Variants in SLC25A21 observed in about 807,000 individuals in gnomAD.
The protein encoded by SLC25A21 is mitochondrial 2-oxodicarboxylate carrier.
A neutral mutation model predicts 43.8 loss-of-function variants in SLC25A21; 47 were observed. The observed-to-expected ratio is 1.07, with a 90% CI of 0.85 to 1.37. The LOEUF (loss-of-function observed/expected upper bound fraction) is 1.37, where lower values mean the gene tolerates loss of function less well. SLC25A21 is among the 40% of genes most tolerant of loss of function. SLC25A21 has a pLI of 0.00. For missense variants in SLC25A21, 352 were observed against 350.2 expected (o/e 1.00, Z -0.04); for synonymous variants, 131 against 121.3 (o/e 1.08, Z -0.52).
At chr14:37,023,533 T>A (rs756229810) in intron 1 of SLC25A21, among the ~76,000 whole-genome samples, 2 of 152,086 alleles carry the variant, frequency 1.3e-5, no homozygotes, top group Admixed American at 6.6e-5. Flanking sequence ...AGCAAAAAAA[T>A]TTAAGACCAG....
intron 1 of SLC25A21, among the ~76,000 whole-genome samples, chr14:36,987,365 T>C (rs1362587637): frequency 1.3e-5 from 2 of 152,232 alleles, no homozygotes; most frequent in Non-Finnish European, 2.9e-5. Flanking sequence ...CATAAGTACA[T>C]TTTAATATGT....
chr14:36,941,184 C>T (rs917378414), intron 1 of SLC25A21, among the ~76,000 whole-genome samples: 3 of 151,972 alleles, frequency 2.0e-5, no homozygotes, highest in Admixed American at 6.6e-5. Flanking sequence ...TGCATGTGAT[C>T]AGGGACAGCA....
chr14:37,074,137 C>A lies in SLC25A21; in HGVS notation c.70+98144G>T, dbSNP rs148715644. 2.0e-3 allele frequency among the ~76,000 whole-genome samples: 299 copies of A among 151,692 alleles called. 1 individual carries two copies. Among genetic ancestry groups the A allele is most frequent in the African/African-American group, 6.8e-3 (281 of 41,308 alleles). Reference sequence around the variant, plus strand: ...AAGAGCTATTATTCCATACATACAACTTAATATAAATGAACAAGTATCTTC... The same window carrying A: ...AAGAGCTATTATTCCATACATACAAATTAATATAAATGAACAAGTATCTTC... On this transcript the variant is annotated intron_variant, in intron 1 of 9. Transcript: ENST00000331299.
intron 2 of SLC25A21, among the ~76,000 whole-genome samples, chr14:36,860,863 C>A (rs1364359386): frequency 6.6e-6 from 1 of 152,266 alleles, no homozygotes; most frequent in East Asian, 1.9e-4. Context: ...CAGATAGATT[C>A]TGATTACCAA....
At chr14:36,721,235 T>A (rs928172560) in intron 6 of SLC25A21, among the ~76,000 whole-genome samples, 3 of 152,242 alleles carry the variant, frequency 2.0e-5, no homozygotes, top group Non-Finnish European at 4.4e-5. Context: ...TACTGAACCA[T>A]CACTGCATGC....
intron 1 of SLC25A21, among the ~76,000 whole-genome samples, chr14:36,883,857 T>G (rs947533458): frequency 1.3e-5 from 2 of 152,180 alleles, no homozygotes; most frequent in Non-Finnish European, 2.9e-5. Flanking sequence ...AAATAATAAT[T>G]TTATATGTTT....
chr14:36,934,775 A>G (rs1164393649), intron 1 of SLC25A21, among the ~76,000 whole-genome samples: 2 of 152,098 alleles, frequency 1.3e-5, no homozygotes, highest in Admixed American at 1.3e-4. Context: ...AAAACTTTTT[A>G]TATGTTGGTG....
intron 2 of SLC25A21, among the ~76,000 whole-genome samples, chr14:36,862,676 T>A (rs1404935393): frequency 2.0e-5 from 3 of 152,058 alleles, no homozygotes; most frequent in Non-Finnish European, 4.4e-5. Flanking sequence ...AGTTGATGGG[T>A]GCAGCAAACC....
intron 1 of SLC25A21, among the ~76,000 whole-genome samples, chr14:37,109,890 T>A (rs1241522337): frequency 6.6e-6 from 1 of 152,216 alleles, no homozygotes; most frequent in Non-Finnish European, 1.5e-5. Context: ...TAATGAGTAA[T>A]ATTTTCCAGT....
At chr14:37,055,571 T>C (rs534787941) in intron 1 of SLC25A21, among the ~76,000 whole-genome samples, 1 of 152,110 alleles carries the variant, frequency 6.6e-6, no homozygotes. Flanking sequence ...TTCTTTCTGG[T>C]GGGCCTGAGC....
chr14:36,891,898 C>T (rs1417750072), intron 1 of SLC25A21, among the ~76,000 whole-genome samples: 5 of 152,078 alleles, frequency 3.3e-5, no homozygotes, highest in Non-Finnish European at 7.4e-5. Context: ...TGTCACATAG[C>T]GACCATGAAG....
Position 36,912,260 on chromosome 14 carries a change from T to G in SLC25A21, c.71-37256A>C, listed in dbSNP as rs570262602. 9.8e-5 allele frequency among the ~76,000 whole-genome samples: 15 copies of G among 152,330 alleles called. No individual in the cohort carries two copies. The South Asian group carries it at 2.9e-3, about 29-fold the overall frequency. ...TTACTGCACAAATACTATGTTGCAGTAACCATGCTAAGCAGTCTACATACT... is the reference window on the plus strand; with the variant it reads ...TTACTGCACAAATACTATGTTGCAGGAACCATGCTAAGCAGTCTACATACT... On this transcript the variant is annotated intron_variant, in intron 1 of 9. Coordinates refer to ENST00000331299, the MANE Select transcript of SLC25A21 (RefSeq NM_030631.4).
intron 2 of SLC25A21, among the ~76,000 whole-genome samples, chr14:36,828,074 G>T (rs1046431580): frequency 2.0e-5 from 3 of 151,898 alleles, no homozygotes; most frequent in Non-Finnish European, 4.4e-5. Flanking sequence ...AAAGGGGGAG[G>T]TGGTTTATGA....
intron 1 of SLC25A21, among the ~76,000 whole-genome samples, chr14:36,879,864 T>C (rs1311030545): frequency 6.6e-6 from 1 of 152,136 alleles, no homozygotes; most frequent in Non-Finnish European, 1.5e-5. Context: ...TTAATCATGA[T>C]TGGTGAGAGA....
At chr14:36,914,904 A>C (rs977549382) in intron 1 of SLC25A21, among the ~76,000 whole-genome samples, 1 of 152,208 alleles carries the variant, frequency 6.6e-6, no homozygotes, top group Non-Finnish European at 1.5e-5. Context: ...TTGATTTCAA[A>C]CTGCAAAGAA....
At position 36,889,469 on chromosome 14, in the gene SLC25A21, ATTATCT is replaced by A. The variant is rs534585011; in HGVS notation, c.71-14471_71-14466del. Among the ~76,000 whole-genome samples the A allele has an allele frequency of 1.8e-3, 276 of 152,274 alleles. 3 individuals are homozygous for A. The highest frequency in any genetic ancestry group is 6.3e-3 in the African/African-American group (262 of 41,562). ...GAATACATTAGTACTGATGGGAAAC[ATTATCT>A]TAATCAATTAATTAATTTGATTGAT... On this transcript the variant is annotated intron_variant, in intron 1 of 9. Transcript: ENST00000331299.
intron 1 of SLC25A21, among the ~76,000 whole-genome samples, chr14:37,040,327 G>GGGAAGGAAGGAAGGAA (rs1161001643): frequency 5.4e-5 from 3 of 55,548 alleles, no homozygotes. Context: ...AAAGGAAGAG[G>GGGAAGGAAGGAAGGAA]GGAAGGAAGG....
chr14:36,807,165 A>G (rs1304012879), intron 3 of SLC25A21: 1 of 152,290 alleles, frequency 6.6e-6, no homozygotes, highest in Non-Finnish European at 1.5e-5. Flanking sequence ...ATGGCAGATT[A>G]TCTGCTCAGG....
At chr14:36,764,900 T>G (rs1194593217) in intron 3 of SLC25A21, among the ~76,000 whole-genome samples, 1 of 152,190 alleles carries the variant, frequency 6.6e-6, no homozygotes, top group Non-Finnish European at 1.5e-5. Flanking sequence ...GGATCTGAAC[T>G]GGGAGGAAGA....
Sources: allele counts gnomAD v4.1 joint callset (sites outside exome capture counted in the v4.1 genomes callset), GRCh38; gene constraint gnomAD v4.1.1; transcripts MANE v1.5; gene names NCBI Gene and HGNC (gene_info 2026-07-23, HGNC 2026-07-21).